ABL1: variants seen among roughly 807,000 people sequenced by gnomAD.
ABL1 encodes the protein ABL proto-oncogene 1, non-receptor tyrosine kinase, also known as tyrosine-protein kinase ABL1.
A neutral mutation model predicts 94.7 loss-of-function variants in ABL1; 11 were observed. The observed-to-expected ratio is 0.12, with a 90% CI of 0.07 to 0.19. The LOEUF is 0.19. Ranked by LOEUF, ABL1 falls within the 10% of genes least tolerant of loss-of-function variation. The pLI is 1.00. For missense variants in ABL1, 1,082 were observed against 1,489.4 expected (o/e 0.73, Z 4.50); for synonymous variants, 656 against 622.4 (o/e 1.05, Z -0.80).
intron 1 of ABL1, among the ~76,000 whole-genome samples, chr9:130,788,339 A>G (rs532040860): frequency 2.0e-5 from 3 of 152,174 alleles, no homozygotes; most frequent in South Asian, 4.1e-4. Flanking sequence ...CCCCCCTTCT[A>G]TATGTGTATG....
intron 1 of ABL1, among the ~76,000 whole-genome samples, chr9:130,735,953 A>ATTTT (rs869189501): frequency 2.5e-5 from 2 of 81,548 alleles, no homozygotes; most frequent in African/African-American, 1.1e-4. Flanking sequence ...ATATATATAT[A>ATTTT]TATATATATT....
At chr9:130,810,433 T>G (rs1588247752) in intron 1 of ABL1, among the ~76,000 whole-genome samples, 1 of 152,082 alleles carries the variant, frequency 6.6e-6, no homozygotes, top group Non-Finnish European at 1.5e-5. Flanking sequence ...GAGGCAGAGG[T>G]TGCAGTAAGC....
At chr9:130,734,981 A>G (rs181847591) in intron 1 of ABL1, among the ~76,000 whole-genome samples, 5 of 152,220 alleles carry the variant, frequency 3.3e-5, no homozygotes, top group East Asian at 3.9e-4. Flanking sequence ...ACATTGTCCT[A>G]CAAGCTTTGT....
intron 4 of ABL1, among the ~76,000 whole-genome samples, chr9:130,864,839 T>C (rs1175209936): frequency 6.6e-6 from 1 of 152,190 alleles, no homozygotes; most frequent in Non-Finnish European, 1.5e-5. Flanking sequence ...AAACTGAGAA[T>C]GGCCTAGATT....
intron 1 of ABL1, among the ~76,000 whole-genome samples, chr9:130,837,452 G>A (rs567885450): frequency 6.6e-6 from 1 of 151,804 alleles, no homozygotes; most frequent in Non-Finnish European, 1.5e-5. Flanking sequence ...CGGAGATTTA[G>A]TATGGACCTG....
chr9:130,836,264 T>G (rs1350416640), intron 1 of ABL1, among the ~76,000 whole-genome samples: 1 of 152,242 alleles, frequency 6.6e-6, no homozygotes, highest in Admixed American at 6.5e-5. Context: ...AGGGCTTCAC[T>G]TTTGCGTTCT....
In ABL1 at chr9:130,885,401, G is replaced by T; in HGVS notation, c.3111G>T (p.Glu1037Asp). Residue 1037 changes from glutamate (E) to aspartate (D), a missense_variant, in exon 11 of 11, where the codon GAG becomes GAT. Physicochemically the swap from Glu to Asp is conservative, Grantham distance 45. Around this residue, in one of 7 missense-constraint regions of ABL1, gnomAD observed 780 missense variants for 835.8 expected, o/e 0.93. Coordinates refer to ENST00000318560, the MANE Select transcript of ABL1 (RefSeq NM_005157.6). The stretch of plus-strand genomic sequence containing the variant: ...AGGGCGTGGTCCTGGACAGCACCGA[G>T]GCGCTGTGCCTCGCCATCTCTAGGA... ...ITKGVVLDST[E>D]ALCLAISRNS... 2 of 1,613,624 alleles carry T rather than the reference G, an allele frequency of 1.2e-6. No homozygotes were observed. The highest frequency in any genetic ancestry group is 1.7e-6 in the Non-Finnish European group (2 of 1,180,034).
chr9:130,754,583 A>G (rs1033833817), intron 1 of ABL1, among the ~76,000 whole-genome samples: 2 of 151,554 alleles, frequency 1.3e-5, no homozygotes, highest in African/African-American at 4.9e-5. Flanking sequence ...TTTGGAAGGC[A>G]CAATTAGGAG....
intron 1 of ABL1, among the ~76,000 whole-genome samples, chr9:130,773,261 G>A (rs1005448045): frequency 1.3e-5 from 2 of 152,158 alleles, no homozygotes; most frequent in South Asian, 4.1e-4. Context: ...GGAGGTTGCA[G>A]TGAGCTGAGA....
rs148472065 is a variant in ABL1, at chr9:130,856,380, G to A, written c.549+1284G>A. 7.1e-3 allele frequency among the ~76,000 whole-genome samples: 1,080 copies of A among 152,172 alleles called. 3 individuals carry two copies. The highest frequency in any genetic ancestry group is 0.012 in the Non-Finnish European group (835 of 68,008). ...TGGGATTACAGGCGTGAGCCACCAC[G>A]CCTGGCCGTTTTTGTATTTCCAGTA... On this transcript the variant is annotated intron_variant, in intron 3 of 10. Coordinates refer to ENST00000318560, the MANE Select transcript of ABL1 (RefSeq NM_005157.6).
intron 1 of ABL1, among the ~76,000 whole-genome samples, chr9:130,739,195 G>T (rs1831783822): frequency 6.6e-6 from 1 of 152,110 alleles, no homozygotes; most frequent in South Asian, 2.1e-4. Flanking sequence ...TGCCTGGCCC[G>T]ATATGTGTCT....
chr9:130,862,709 C>G lies in ABL1; in HGVS notation c.550-54C>G. 6.3e-7 allele frequency: 1 copy of G among 1,582,044 alleles called. No individual in the cohort carries two copies. The highest frequency in any genetic ancestry group is 8.6e-7 in the Non-Finnish European group (1 of 1,165,362). The stretch of plus-strand genomic sequence containing the variant: ...GCTCAGCCAAACTGGCTCACGTGAG[C>G]TCTTTGAGCTTGCCTGTCTCTGTGG... On this transcript the variant is annotated intron_variant, in intron 3 of 10. Coordinates refer to ENST00000318560, the MANE Select transcript of ABL1 (RefSeq NM_005157.6). This position sits in a 1 kb window ranked among gnomAD's most constrained non-coding sequence, Gnocchi z 5.5.
intron 1 of ABL1, among the ~76,000 whole-genome samples, chr9:130,790,772 C>T (rs1588240120): frequency 2.6e-5 from 4 of 151,954 alleles, no homozygotes; most frequent in African/African-American, 9.7e-5. Flanking sequence ...CTGTGTCGGG[C>T]CAGCATTCCA....
At chr9:130,816,374 ATG>A (rs1830285987) in intron 1 of ABL1, among the ~76,000 whole-genome samples, 1 of 151,626 alleles carries the variant, frequency 6.6e-6, no homozygotes, top group African/African-American at 2.4e-5. Context: ...ATGTCTTGCT[ATG>A]TTGCCCAGGC....
In ABL1 at chr9:130,886,054, C is replaced by G. The variant is rs1262775381; in HGVS notation, c.*371C>G. On this transcript the variant is annotated 3_prime_UTR_variant, in exon 11 of 11. Transcript: ENST00000318560. ...GACTGTCTTTTTCATTTTTTTCTCT[C>G]TGGAGCCCCTCCTCCCCCGGCTGGG... 1.5e-5 allele frequency: 4 copies of G among 267,930 alleles called. No homozygotes were observed. The highest frequency in any genetic ancestry group is 2.8e-5 in the Non-Finnish European group (4 of 140,810). 16.6% of individuals were successfully genotyped at this position (267,930 alleles called of 1,614,324 possible).
chr9:130,810,289 A>G lies in ABL1; in HGVS notation c.137-43775A>G, dbSNP rs35431696. ...GGTAGGTGGATCACCTGAGGTCAGGAGTTCAAGACCAGCCTAGCCAACATG... is the reference window on the plus strand; with the variant it reads ...GGTAGGTGGATCACCTGAGGTCAGGGGTTCAAGACCAGCCTAGCCAACATG... On this transcript the variant is annotated intron_variant, in intron 1 of 10. Coordinates refer to the ABL1 transcript ENST00000372348. 8.4e-3 allele frequency among the ~76,000 whole-genome samples: 1,285 copies of G among 152,312 alleles called. 6 individuals are homozygous for G. Among genetic ancestry groups the G allele is most frequent in the South Asian group, 0.016 (77 of 4,824 alleles).
Position 130,730,198 on chromosome 9 carries a change from A to G in ABL1, c.136+15743A>G, listed in dbSNP as rs182654471. On this transcript the variant is annotated intron_variant, in intron 1 of 10. Transcript: ENST00000372348. ...AGCTGGAATATGGACATGTGCCACC[A>G]AACCCAGCTAATTTTGTGTTTTTAG... Among the ~76,000 whole-genome samples, 487 of 151,732 alleles carry G rather than the reference A, an allele frequency of 3.2e-3. 4 individuals are homozygous for G. Among genetic ancestry groups the G allele is most frequent in the African/African-American group, 0.011 (464 of 41,328 alleles).
rs916127210 is a variant in ABL1, at chr9:130,749,518, C to T, written c.136+35063C>T. 9.2e-5 allele frequency among the ~76,000 whole-genome samples: 14 copies of T among 152,294 alleles called. No individual in the cohort carries two copies. The South Asian group carries it at 1.7e-3, about 18-fold the overall frequency. The stretch of plus-strand genomic sequence containing the variant: ...GTCCACTAAGTTGTTGTCAGTCGTA[C>T]GGGCTTTAGAGTATGTTGACTTGAT... On this transcript the variant is annotated intron_variant, in intron 1 of 10. Transcript: ENST00000372348.
Position 130,794,728 on chromosome 9 carries a change from C to G in ABL1, c.137-59336C>G, listed in dbSNP as rs558892108. Among the ~76,000 whole-genome samples, 7 of 152,172 alleles carry G rather than the reference C, an allele frequency of 4.6e-5. No individual in the cohort carries two copies. In the South Asian group the frequency reaches 1.5e-3, roughly 32 times the overall value. On this transcript the variant is annotated intron_variant, in intron 1 of 10. Coordinates refer to the ABL1 transcript ENST00000372348. ...CATAAAGGCCCAGATTATGTTACCCCGAGAAAGTCTTTGAAGGAGCAAGCT... is the reference window on the plus strand; with the variant it reads ...CATAAAGGCCCAGATTATGTTACCCGGAGAAAGTCTTTGAAGGAGCAAGCT...
Sources: allele counts gnomAD v4.1 joint callset (sites outside exome capture counted in the v4.1 genomes callset), GRCh38; gene constraint gnomAD v4.1.1; regional missense constraint gnomAD v4.1.1; non-coding constraint Gnocchi (gnomAD v3.1); transcripts MANE v1.5; gene names NCBI Gene and HGNC (gene_info 2026-07-23, HGNC 2026-07-21).